SEMA3C: variants seen among roughly 807,000 people sequenced by gnomAD.
SEMA3C encodes semaphorin 3C.
In SEMA3C, 47 loss-of-function variants were observed where a neutral mutation model predicts 89.4. That is an observed-to-expected ratio of 0.53 (90% CI 0.42 to 0.67). SEMA3C has a LOEUF of 0.67. Among genes scored for constraint, SEMA3C ranks in the 30% least tolerant of loss-of-function variants. SEMA3C has a pLI of 0.00. For synonymous variants in SEMA3C, 310 were observed against 320.2 expected (o/e 0.97, Z 0.34); for missense variants, 839 against 929.1 (o/e 0.90, Z 1.26).
Position 80,905,733 on chromosome 7 carries a change from A to AAAATGTC in SEMA3C, c.103+10939_103+10945dup, listed in dbSNP as rs375908380. 1.3e-3 allele frequency: 825 copies of AAAATGTC among 631,330 alleles called. 7 individuals carry two copies. The African/African-American group carries it at 0.015, about 11-fold the overall frequency. The allele number at this position is 631,330 out of a possible 1,614,324, so 39.1% of individuals were successfully genotyped here. ...CTAGTTTAAGATAATTTTTGCTTTT[A>AAAATGTC]AAATGTCACCTTCTGTGAGGTGTCT... On this transcript the variant is annotated intron_variant, in intron 2 of 17. Transcript: ENST00000265361.
chr7:80,795,961 G>T (rs1283087383), intron 11 of SEMA3C, among the ~76,000 whole-genome samples: 13 of 152,210 alleles, frequency 8.5e-5, no homozygotes, highest in Non-Finnish European at 4.4e-5. Flanking sequence ...AGCACAGACT[G>T]CATGAGGCTC....
intron 2 of SEMA3C, among the ~76,000 whole-genome samples, chr7:80,889,442 T>C (rs1234293486): frequency 6.6e-6 from 1 of 152,180 alleles, no homozygotes; most frequent in Non-Finnish European, 1.5e-5. Context: ...ACTATCAATA[T>C]AGAAGATGTC....
Position 80,828,609 on chromosome 7 carries a change from G to A in SEMA3C, c.240C>T (p.Asn80=). 1 of 1,609,078 alleles carries A rather than the reference G, an allele frequency of 6.2e-7. No homozygotes were observed. The part of the protein sequence containing the change: ...SKDHILSLNI[N]NISQEALSVF... ...CACTCAAAGCTTCTTGACTTATATT[G>A]TTAATATTCAGGGAAAGAATGTGAT... Residue 80 remains asparagine, a synonymous_variant, in exon 3 of 18, where the codon AAC becomes AAT. Coordinates refer to ENST00000265361, the MANE Select transcript of SEMA3C (RefSeq NM_006379.5).
chr7:80,869,812 C>T (rs953516790), intron 2 of SEMA3C, among the ~76,000 whole-genome samples: 1 of 152,016 alleles, frequency 6.6e-6, no homozygotes, highest in Non-Finnish European at 1.5e-5. Flanking sequence ...TTCCTCAAAC[C>T]AAAAAGGGCT....
At chr7:80,772,359 T>C (rs990481688) in intron 12 of SEMA3C, among the ~76,000 whole-genome samples, 7 of 152,214 alleles carry the variant, frequency 4.6e-5, no homozygotes, top group African/African-American at 1.7e-4. Context: ...TTTTAAAAGG[T>C]AGCATTCTGT....
chr7:80,749,065 G>C, intron 16 of SEMA3C, 37 bp from the exon 17 acceptor site: 1 of 1,559,052 alleles, frequency 6.4e-7, no homozygotes, highest in African/African-American at 1.4e-5. Flanking sequence ...GAGAAAGAAA[G>C]AACACAACTG....
intron 2 of SEMA3C, among the ~76,000 whole-genome samples, chr7:80,874,551 C>G (rs1173581264): frequency 6.6e-6 from 1 of 151,906 alleles, no homozygotes; most frequent in East Asian, 2.0e-4. Context: ...ACTACAACCT[C>G]CGCCTCCCAG....
chr7:80,860,084 C>T (rs1790735321), intron 2 of SEMA3C, among the ~76,000 whole-genome samples: 1 of 151,830 alleles, frequency 6.6e-6, no homozygotes, highest in Non-Finnish European at 1.5e-5. Context: ...TAAAATAATC[C>T]TTTTAGTAAT....
chr7:80,822,167 C>T (rs980777053), intron 4 of SEMA3C, among the ~76,000 whole-genome samples: 2 of 152,024 alleles, frequency 1.3e-5, no homozygotes, highest in Non-Finnish European at 2.9e-5. Context: ...TCAATCAATG[C>T]CTGCTTTTAA....
intron 2 of SEMA3C, among the ~76,000 whole-genome samples, chr7:80,832,100 G>C (rs1362193649): frequency 6.6e-6 from 1 of 152,068 alleles, no homozygotes; most frequent in Non-Finnish European, 1.5e-5. Context: ...CACTCTCTGG[G>C]GAAGAGTATA....
chr7:80,844,855 T>C (rs1790351192), intron 2 of SEMA3C, among the ~76,000 whole-genome samples: 1 of 152,202 alleles, frequency 6.6e-6, no homozygotes, highest in Non-Finnish European at 1.5e-5. Flanking sequence ...GCATGAAATG[T>C]GCTAAGGAGT....
At chr7:80,872,798 A>T (rs574822269) in intron 2 of SEMA3C, among the ~76,000 whole-genome samples, 9,678 of 117,396 alleles carry the variant, frequency 0.082, 291 homozygotes, top group African/African-American at 0.16. Flanking sequence ...AGACTCTGTC[A>T]AAAAAAAAAA....
Position 80,745,984 on chromosome 7 carries a change from T to A in SEMA3C, c.1843-677A>T, listed in dbSNP as rs147431638. Among the ~76,000 whole-genome samples, 3 of 152,144 alleles carry A rather than the reference T, an allele frequency of 2.0e-5. No individual in the cohort carries two copies. In the East Asian group the frequency reaches 5.8e-4, roughly 29 times the overall value. On this transcript the variant is annotated intron_variant, in intron 17 of 17. Transcript: ENST00000265361. ...GCTATGAATTAATATTTAATTACTT[T>A]ATAGGTTTTACTGGAAAAAATGATT... is the stretch of plus-strand genomic sequence containing the variant.
intron 17 of SEMA3C, 63 bp downstream of exon 17, chr7:80,748,835 G>A: frequency 6.8e-7 from 1 of 1,481,344 alleles, no homozygotes; most frequent in Middle Eastern, 1.8e-4. Context: ...GCCTCGCTGA[G>A]GGACAGTGAT....
intron 2 of SEMA3C, among the ~76,000 whole-genome samples, chr7:80,882,944 TAACAAC>T (rs60567057): frequency 0.011 from 1,599 of 151,218 alleles, 26 homozygotes; most frequent in African/African-American, 0.036. Context: ...CCCTCTTATA[TAACAAC>T]AACAACAACA....
At chr7:80,800,952 T>C (rs1179829157) in intron 9 of SEMA3C, 126 bp from the exon 10 acceptor site, 9 of 476,454 alleles carry the variant, frequency 1.9e-5, no homozygotes, top group East Asian at 1.5e-4. Flanking sequence ...TGTACCATTA[T>C]GGTAATTTGG....
intron 15 of SEMA3C, among the ~76,000 whole-genome samples, chr7:80,756,067 C>G (rs142061488): frequency 6.6e-6 from 1 of 152,164 alleles, no homozygotes; most frequent in Non-Finnish European, 1.5e-5. Context: ...CAGGCCACTC[C>G]TCTCTACTCC....
intron 2 of SEMA3C, among the ~76,000 whole-genome samples, chr7:80,888,218 T>C (rs1487852982): frequency 6.6e-6 from 1 of 151,668 alleles, no homozygotes; most frequent in Non-Finnish European, 1.5e-5. Flanking sequence ...TTGGAGACTA[T>C]CCTGGGCAAC....
chr7:80,896,392 T>C (rs1791738370), intron 2 of SEMA3C, among the ~76,000 whole-genome samples: 1 of 152,204 alleles, frequency 6.6e-6, no homozygotes, highest in African/African-American at 2.4e-5. Context: ...CATTTCTCTA[T>C]TACTGTATGC....
Sources: allele counts gnomAD v4.1 joint callset (sites outside exome capture counted in the v4.1 genomes callset), GRCh38; gene constraint gnomAD v4.1.1; transcripts MANE v1.5; gene names NCBI Gene and HGNC (gene_info 2026-07-23, HGNC 2026-07-21).